WRN: variants seen among roughly 807,000 people sequenced by gnomAD.
WRN encodes the protein WRN RecQ like helicase.
In WRN, 149 loss-of-function variants were observed where a neutral mutation model predicts 180.7. The ratio of observed to expected loss-of-function variants is 0.82; its 90% CI spans 0.72 to 0.94. The LOEUF (loss-of-function observed/expected upper bound fraction) is 0.94, where lower values mean the gene tolerates loss of function less well. WRN is among the 40% of genes least tolerant of loss of function. The pLI is 0.00. For synonymous variants in WRN, 548 were observed against 568.9 expected, an observed-to-expected ratio of 0.96 and a Z score of 0.52; for missense variants, 1,661 against 1,700.1, an observed-to-expected ratio of 0.98 and a Z score of 0.40.
chr8:31,076,688 G>C lies in WRN; in HGVS notation c.839+401G>C, dbSNP rs573555536. Among the ~76,000 whole-genome samples the C allele has an allele frequency of 7.9e-5, 12 of 152,206 alleles. No homozygotes were observed. In the East Asian group the frequency reaches 2.1e-3, roughly 27 times the overall value. ...AATAACATTTATAGTTTGGTCACTTGAAATCTATAGTGACCAAAAGCAATG... is the reference window on the plus strand; with the variant it reads ...AATAACATTTATAGTTTGGTCACTTCAAATCTATAGTGACCAAAAGCAATG... On this transcript the variant is annotated intron_variant, in intron 8 of 34. Coordinates refer to ENST00000298139, the MANE Select transcript of WRN (RefSeq NM_000553.6).
chr8:31,105,253 C>T (rs559346770), intron 18 of WRN, among the ~76,000 whole-genome samples: 1 of 152,244 alleles, frequency 6.6e-6, no homozygotes, highest in South Asian at 2.1e-4. Flanking sequence ...AATCTTCATA[C>T]TTTTTCTTGA....
intron 1 of WRN, among the ~76,000 whole-genome samples, chr8:31,038,347 T>C (rs1000548300): frequency 6.6e-6 from 1 of 152,232 alleles, no homozygotes; most frequent in African/African-American, 2.4e-5. Flanking sequence ...CATCTTTTAA[T>C]GTGCTTATTG....
chr8:31,131,802 G>C (rs1328861345), intron 23 of WRN: 1 of 156,436 alleles, frequency 6.4e-6, no homozygotes, highest in African/African-American at 2.4e-5. Context: ...CTTTCCTTGG[G>C]CTTTTTGTGG....
At chr8:31,101,416 A>G (rs924843498) in intron 18 of WRN, among the ~76,000 whole-genome samples, 3 of 152,180 alleles carry the variant, frequency 2.0e-5, no homozygotes, top group East Asian at 3.8e-4. Context: ...TTGAAAACCT[A>G]AAGTTTGAAC....
chr8:31,125,048 C>A (rs1801865968), intron 23 of WRN, 48 bp downstream of exon 23: 1 of 1,547,260 alleles, frequency 6.5e-7, no homozygotes, highest in Admixed American at 1.7e-5. Context: ...CTTTCTTTCT[C>A]TTCCTTTTCA....
At chr8:31,087,509 G>A in intron 11 of WRN, 1 of 345,810 alleles carries the variant, frequency 2.9e-6, no homozygotes, top group South Asian at 3.5e-5. Flanking sequence ...TAAAATTTAT[G>A]ATAGCTTTCC....
In WRN at chr8:31,083,601, T is replaced by C. The variant is rs2260700; in HGVS notation, c.1270-98T>C. 2,680 of 849,986 alleles carry C rather than the reference T, an allele frequency of 3.2e-3. 6 individuals are homozygous for C. The African/African-American group carries it at 0.04, about 13-fold the overall frequency. 52.7% of individuals were successfully genotyped at this position (849,986 alleles called of 1,614,324 possible). A position where few individuals can be genotyped will look rare whatever the true frequency, so the allele number is the denominator to read the frequency against. On this transcript the variant is annotated intron_variant, in intron 9 of 34. Transcript: ENST00000298139. Reference sequence around the variant, plus strand: ...TATATATCCATTAGGGAAGAGGAAGTTGTCTAAAGATATCTAGTATATAGG... The same window carrying C: ...TATATATCCATTAGGGAAGAGGAAGCTGTCTAAAGATATCTAGTATATAGG...
At chr8:31,074,622 C>T (rs568707423) in intron 7 of WRN, among the ~76,000 whole-genome samples, 6 of 152,232 alleles carry the variant, frequency 3.9e-5, no homozygotes, top group African/African-American at 1.4e-4. Flanking sequence ...CTTGTGTCAT[C>T]ATCGATGTGT....
chr8:31,107,898 T>C (rs1405202760), intron 18 of WRN, among the ~76,000 whole-genome samples: 2 of 152,194 alleles, frequency 1.3e-5, no homozygotes, highest in African/African-American at 4.8e-5. Flanking sequence ...TCTATTACTT[T>C]CTCCCCAGTA....
chr8:31,172,997 T>G lies in WRN; in HGVS notation c.4194T>G (p.Thr1398=), dbSNP rs756225803. The G allele has an allele frequency of 1.2e-5, 20 of 1,613,474 alleles. No individual in the cohort carries two copies. The South Asian group carries it at 2.1e-4, about 17-fold the overall frequency. The stretch of plus-strand genomic sequence containing the variant: ...CTTTTTCTTTCTATTTCCTACAGAC[T>G]TCATCTGCAGAGAGAAAGAGACGAT... ...SKEEVGINTE[T]SSAERKRRLP... is the part of the protein sequence containing the mutation. Residue 1398 remains threonine, a splice_region_variant and synonymous_variant, in exon 35 of 35, where the codon ACT becomes ACG. Coordinates refer to ENST00000298139, the MANE Select transcript of WRN (RefSeq NM_000553.6).
intron 31 of WRN, among the ~76,000 whole-genome samples, chr8:31,151,101 T>C (rs779718891): frequency 2.0e-5 from 3 of 152,178 alleles, no homozygotes; most frequent in Non-Finnish European, 4.4e-5. Flanking sequence ...GAATCAGGAC[T>C]TTAGTTCTTC....
chr8:31,147,893 T>C (rs1310053316), intron 30 of WRN, among the ~76,000 whole-genome samples: 1 of 150,784 alleles, frequency 6.6e-6, no homozygotes, highest in Non-Finnish European at 1.5e-5. Flanking sequence ...CATTTTTTTT[T>C]TTTTTTTTGT....
intron 4 of WRN, 72 bp downstream of exon 4, chr8:31,064,506 A>C: frequency 6.3e-7 from 1 of 1,599,020 alleles, no homozygotes; most frequent in South Asian, 1.1e-5. Flanking sequence ...TATAAAATTA[A>C]GTTCTTTTAT....
At chr8:31,090,274 AGTT>A (rs2130170140) in intron 13 of WRN, among the ~76,000 whole-genome samples, 188 bp from the exon 14 acceptor site, 1 of 151,450 alleles carries the variant, frequency 6.6e-6, no homozygotes, top group Admixed American at 6.6e-5. Flanking sequence ...ACCAAATGGT[AGTT>A]GTTAGTTAGC....
At chr8:31,162,050 C>T (rs1461745552) in intron 33 of WRN, among the ~76,000 whole-genome samples, 2 of 152,036 alleles carry the variant, frequency 1.3e-5, no homozygotes, top group Non-Finnish European at 1.5e-5. Flanking sequence ...TACTGTATAA[C>T]GTACCTGCAT....
At chr8:31,075,058 C>T (rs762121427) in intron 7 of WRN, among the ~76,000 whole-genome samples, 11 of 152,014 alleles carry the variant, frequency 7.2e-5, no homozygotes, top group Non-Finnish European at 2.9e-5. Flanking sequence ...AAAAGATTGT[C>T]GGAAATGCAG....
chr8:31,095,792 C>G (rs1258145096), intron 16 of WRN, among the ~76,000 whole-genome samples: 1 of 152,104 alleles, frequency 6.6e-6, no homozygotes, highest in Admixed American at 6.6e-5. Context: ...TATAATAAAC[C>G]TGGAAATCAG....
At chr8:31,073,164 G>A (rs1337278747) in intron 7 of WRN, among the ~76,000 whole-genome samples, 1 of 152,232 alleles carries the variant, frequency 6.6e-6, no homozygotes. Context: ...TTTTCTGGTT[G>A]TCGTAAGAGG....
chr8:31,118,482 T>G (rs913665966), intron 20 of WRN, among the ~76,000 whole-genome samples: 1 of 152,036 alleles, frequency 6.6e-6, no homozygotes, highest in African/African-American at 2.4e-5. Flanking sequence ...TGTTTCATCA[T>G]CTATGTAGAA....
Sources: allele counts gnomAD v4.1 joint callset (sites outside exome capture counted in the v4.1 genomes callset), GRCh38; gene constraint gnomAD v4.1.1; transcripts MANE v1.5; gene names NCBI Gene and HGNC (gene_info 2026-07-23, HGNC 2026-07-21).